The following ERC1 variants were observed in gnomAD, a reference collection of about 807,000 sequenced individuals.
ERC1 encodes RAB6 interacting protein 2.
ERC1 carries 56 observed loss-of-function variants against 132.0 expected under a neutral mutation model. That is an observed-to-expected ratio of 0.42 (90% CI 0.34 to 0.53). The LOEUF (loss-of-function observed/expected upper bound fraction) is 0.53. Among genes scored for constraint, ERC1 ranks in the 20% least tolerant of loss-of-function variants. The pLI is 0.03. For synonymous variants in ERC1, 478 were observed against 476.1 expected, an observed-to-expected ratio of 1.00 and a Z score of -0.05; for missense variants, 1,202 against 1,349.9, an observed-to-expected ratio of 0.89 and a Z score of 1.72.
intron 16 of ERC1, among the ~76,000 whole-genome samples, chr12:1,400,775 G>A (rs770891531): frequency 4.0e-5 from 6 of 151,876 alleles, no homozygotes; most frequent in Non-Finnish European, 7.4e-5. Flanking sequence ...TCTCAATTTT[G>A]TTTCATTGAT....
intron 16 of ERC1, chr12:1,391,092 G>GA (rs2089921318): frequency 6.6e-6 from 1 of 152,258 alleles, no homozygotes; most frequent in Non-Finnish European, 1.5e-5. Context: ...TATTCATTCA[G>GA]TTTGAGGTCT....
At chr12:1,241,308 C>T (rs1382118104) in intron 13 of ERC1, among the ~76,000 whole-genome samples, 2 of 152,108 alleles carry the variant, frequency 1.3e-5, no homozygotes, top group South Asian at 2.1e-4. Flanking sequence ...CTGAAATTTC[C>T]GTGTCAAATT....
chr12:1,426,630 A>G (rs78333690), intron 17 of ERC1, among the ~76,000 whole-genome samples: 1,848 of 152,276 alleles, frequency 0.012, 51 homozygotes, highest in African/African-American at 0.042. Context: ...TTAGACTACA[A>G]CTATATTGTA....
chr12:1,039,028 A>AC (rs1385464058), intron 2 of ERC1, among the ~76,000 whole-genome samples: 1 of 151,610 alleles, frequency 6.6e-6, no homozygotes, highest in Admixed American at 6.6e-5. Flanking sequence ...AAATAGTGAG[A>AC]CCCCATCTCT....
intron 13 of ERC1, among the ~76,000 whole-genome samples, chr12:1,241,431 T>A (rs994290466): frequency 1.3e-5 from 2 of 152,200 alleles, no homozygotes; most frequent in East Asian, 1.9e-4. Context: ...TCTTTTTCAG[T>A]CATTTTTCTT....
intron 16 of ERC1, among the ~76,000 whole-genome samples, chr12:1,387,309 G>C (rs186694593): frequency 6.6e-6 from 1 of 152,158 alleles, no homozygotes; most frequent in Non-Finnish European, 1.5e-5. Flanking sequence ...CTGGAATGGG[G>C]TGAACCTATG....
intron 12 of ERC1, among the ~76,000 whole-genome samples, chr12:1,235,394 G>T (rs1403060716): frequency 1.3e-5 from 2 of 152,174 alleles, no homozygotes; most frequent in Non-Finnish European, 2.9e-5. Context: ...TCGATGAAAA[G>T]ATGTAAAGAA....
intron 15 of ERC1, among the ~76,000 whole-genome samples, chr12:1,366,925 AAGATATAC>A (rs2086715108): frequency 6.6e-6 from 1 of 152,226 alleles, no homozygotes; most frequent in Non-Finnish European, 1.5e-5. Flanking sequence ...CAGAGGACAT[AAGATATAC>A]AGGGACCAAA....
intron 11 of ERC1, among the ~76,000 whole-genome samples, chr12:1,184,979 C>T (rs923811729): frequency 9.9e-5 from 15 of 152,110 alleles, no homozygotes; most frequent in African/African-American, 2.7e-4. Context: ...GGCACAACCT[C>T]GGCTCACTGC....
chr12:1,353,199 T>G (rs1331672297), intron 15 of ERC1, among the ~76,000 whole-genome samples: 1 of 151,966 alleles, frequency 6.6e-6, no homozygotes, highest in Non-Finnish European at 1.5e-5. Flanking sequence ...CCCAGCTAAT[T>G]TTTTGTATTT....
chr12:992,413 C>G (rs1959734205), intron 1 of ERC1, among the ~76,000 whole-genome samples: 1 of 152,188 alleles, frequency 6.6e-6, no homozygotes. Flanking sequence ...TAGCGTGTTG[C>G]TTGCTCAGTA....
chr12:1,418,626 TC>T (rs2092267455), intron 17 of ERC1, among the ~76,000 whole-genome samples: 1 of 122,340 alleles, frequency 8.2e-6, no homozygotes, highest in South Asian at 2.4e-4. Context: ...TTTCTTTCTT[TC>T]TTTCTTTCTT....
At chr12:1,313,455 G>T (rs1033026638) in intron 15 of ERC1, among the ~76,000 whole-genome samples, 5 of 152,008 alleles carry the variant, frequency 3.3e-5, no homozygotes, top group African/African-American at 9.7e-5. Context: ...CAACTTTCCT[G>T]TTCAGAAACG....
chr12:1,129,747 T>C (rs914275361), intron 7 of ERC1, among the ~76,000 whole-genome samples: 3 of 151,776 alleles, frequency 2.0e-5, no homozygotes, highest in Non-Finnish European at 2.9e-5. Flanking sequence ...ACTTTCAGAT[T>C]AATACAAATG....
At chr12:1,267,452 A>G (rs929112542) in intron 14 of ERC1, among the ~76,000 whole-genome samples, 1 of 152,256 alleles carries the variant, frequency 6.6e-6, no homozygotes, top group Non-Finnish European at 1.5e-5. Flanking sequence ...ACATTTTAAA[A>G]GAGTGATTTA....
At chr12:1,233,872 G>A (rs1006404689) in intron 12 of ERC1, among the ~76,000 whole-genome samples, 1 of 152,002 alleles carries the variant, frequency 6.6e-6, no homozygotes, top group Non-Finnish European at 1.5e-5. Flanking sequence ...TTCAAATAAA[G>A]TAGCCGTAAG....
At position 1,198,534 on chromosome 12, in the gene ERC1, A is replaced by G. The variant is rs192062364; in HGVS notation, c.2351+8482A>G. Reference sequence around the variant, plus strand: ...ATGATGGAGGTAACTTTGTTTTTCTATTTTGTGGTGGTTAATTTTATCTTC... The same window carrying G: ...ATGATGGAGGTAACTTTGTTTTTCTGTTTTGTGGTGGTTAATTTTATCTTC... On this transcript the variant is annotated intron_variant, in intron 12 of 18. Transcript: ENST00000360905. Among the ~76,000 whole-genome samples, 565 of 152,196 alleles carry G rather than the reference A, an allele frequency of 3.7e-3. 1 individual carries two copies. The highest frequency in any genetic ancestry group is 5.7e-3 in the Non-Finnish European group (389 of 67,994).
At chr12:1,457,617 A>T (rs140650323) in intron 18 of ERC1, among the ~76,000 whole-genome samples, 6 of 152,152 alleles carry the variant, frequency 3.9e-5, no homozygotes, top group African/African-American at 1.4e-4. Context: ...TGTCTCAACC[A>T]TTTTTTTATA....
chr12:1,187,174 G>GA, intron 11 of ERC1, among the ~76,000 whole-genome samples: 1 of 152,064 alleles, frequency 6.6e-6, no homozygotes, highest in Non-Finnish European at 1.5e-5. Context: ...ACACTGATTT[G>GA]AAAAATATGC....
Sources: gnomAD v4.1 joint callset for allele counts (sites outside exome capture counted in the v4.1 genomes callset) on GRCh38, gnomAD v4.1.1 for gene constraint, MANE v1.5 for transcripts, NCBI Gene and HGNC (gene_info 2026-07-23, HGNC 2026-07-21) for gene names.